The following ATP6V1C2 variants were observed in gnomAD, a reference collection of about 807,000 sequenced individuals.
ATP6V1C2 encodes the protein ATPase H+ transporting V1 subunit C2.
A neutral mutation model predicts 56.8 loss-of-function variants in ATP6V1C2; 45 were observed. The ratio of observed to expected loss-of-function variants is 0.79; its 90% confidence interval spans 0.62 to 1.02. The LOEUF (loss-of-function observed/expected upper bound fraction) is 1.02. Among genes scored for constraint, ATP6V1C2 ranks in the 50% least tolerant of loss-of-function variants. ATP6V1C2 has a pLI of 0.00. For synonymous variants in ATP6V1C2, 220 were observed against 201.3 expected, an observed-to-expected ratio of 1.09 and a Z score of -0.79; for missense variants, 463 against 519.7, an observed-to-expected ratio of 0.89 and a Z score of 1.06.
intron 3 of ATP6V1C2, among the ~76,000 whole-genome samples, chr2:10,747,311 A>G (rs1259370038): frequency 6.6e-6 from 1 of 152,164 alleles, no homozygotes; most frequent in Non-Finnish European, 1.5e-5. Flanking sequence ...CATACTTTTC[A>G]TATACTTTTA....
intron 7 of ATP6V1C2, 93 bp from the exon 8 acceptor site, chr2:10,772,449 C>T (rs1001259194): frequency 9.2e-7 from 1 of 1,090,170 alleles, no homozygotes; most frequent in Admixed American, 1.7e-5. Flanking sequence ...ACCTTCAGGC[C>T]TTCAGGAAAA....
chr2:10,770,824 T>G (rs962454132), intron 6 of ATP6V1C2, among the ~76,000 whole-genome samples: 2 of 152,250 alleles, frequency 1.3e-5, no homozygotes, highest in African/African-American at 4.8e-5. Flanking sequence ...AAACCAAGTA[T>G]GCACTGTGCC....
chr2:10,752,294 ATCAGGGTG>A (rs1376576341), intron 3 of ATP6V1C2, among the ~76,000 whole-genome samples: 3 of 152,154 alleles, frequency 2.0e-5, no homozygotes, highest in Non-Finnish European at 4.4e-5. Flanking sequence ...CTTTGCTTTT[ATCAGGGTG>A]TCCCGTGTCC....
At chr2:10,774,481 C>G (rs548518004) in intron 8 of ATP6V1C2, among the ~76,000 whole-genome samples, 31 of 152,344 alleles carry the variant, frequency 2.0e-4, no homozygotes, top group Non-Finnish European at 3.5e-4. Flanking sequence ...CCTGTGCCAG[C>G]TGTGGTGACG....
chr2:10,726,290 A>G (rs1448892074), intron 2 of ATP6V1C2, among the ~76,000 whole-genome samples: 1 of 152,224 alleles, frequency 6.6e-6, no homozygotes, highest in Non-Finnish European at 1.5e-5. Flanking sequence ...TGGCAGGCAT[A>G]TGACAGTTTA....
At position 10,740,448 on chromosome 2, in the gene ATP6V1C2, T is replaced by A. The variant is rs183324463; in HGVS notation, c.198-13533T>A. On this transcript the variant is annotated intron_variant, in intron 3 of 13. Transcript: ENST00000272238. ...GGGAAGCCCTTCACTTTGTATGTGC[T>A]GGAACTCTGCTCCGAGAGCATGAAG... Among the ~76,000 whole-genome samples the A allele has an allele frequency of 2.6e-4, 39 of 152,300 alleles. 1 individual carries two copies. The East Asian group carries it at 6.8e-3, about 26-fold the overall frequency.
rs919578887 is a variant in ATP6V1C2, at chr2:10,752,885, A to G, written c.198-1096A>G. On this transcript the variant is annotated intron_variant, in intron 3 of 13. Transcript: ENST00000272238. ...GTGGTGGGCCTCTGTAATCCCCGCT[A>G]CTTGGGAGGCTGAGGAGGGAGAATC... Among the ~76,000 whole-genome samples the G allele has an allele frequency of 2.6e-5, 4 of 152,138 alleles. No individual in the cohort carries two copies. The South Asian group carries it at 8.3e-4, about 32-fold the overall frequency.
Position 10,782,346 on chromosome 2 carries a change from G to A in ATP6V1C2, c.1165G>A (p.Asp389Asn), listed in dbSNP as rs897449757. 1.2e-6 allele frequency: 2 copies of A among 1,614,076 alleles called. No individual in the cohort carries two copies. The highest frequency in any genetic ancestry group is 2.7e-5 in the African/African-American group (2 of 74,918). The part of the protein sequence containing the change: ...EVLNSVFRHL[D>N]EVAATSILDA... Reference sequence around the variant, plus strand: ...TCTAAACTCTGTCTTCCGACATCTGGATGAAGTAGCCGCTACAAGTATACT... The same window carrying A: ...TCTAAACTCTGTCTTCCGACATCTGAATGAAGTAGCCGCTACAAGTATACT... Residue 389 changes from aspartate to asparagine, a missense_variant, in exon 13 of 14, where the codon GAT becomes AAT. Asp to Asn is a conservative substitution (Grantham distance 23, BLOSUM62 1). Transcript: ENST00000272238.
intron 8 of ATP6V1C2, 115 bp downstream of exon 8, chr2:10,772,725 T>G: frequency 2.2e-6 from 2 of 900,398 alleles, no homozygotes; most frequent in Non-Finnish European, 3.7e-6. Flanking sequence ...TTTCCACACC[T>G]GGGCCCTCTC....
At chr2:10,768,907 C>G (rs1259990625) in intron 6 of ATP6V1C2, 97 bp downstream of exon 6, 3 of 960,346 alleles carry the variant, frequency 3.1e-6, no homozygotes, top group East Asian at 2.5e-5. Flanking sequence ...GAGTCTGTGC[C>G]CATGCATGAG....
At chr2:10,782,141 T>C in intron 12 of ATP6V1C2, 102 bp from the exon 13 acceptor site, 1 of 1,388,574 alleles carries the variant, frequency 7.2e-7, no homozygotes, top group Non-Finnish European at 9.9e-7. Flanking sequence ...GCTGTGTTGG[T>C]TGAAGCTTTT....
Position 10,771,923 on chromosome 2 carries a change from G to A in ATP6V1C2, c.555G>A (p.Leu185=). Residue 185 remains leucine, a synonymous_variant, in exon 7 of 14, where the codon CTG becomes CTA. Transcript: ENST00000272238. ...VLDSEYLVTL[L]VIVPKPNYSQ... The stretch of plus-strand genomic sequence containing the variant: ...ATTCTGAATATCTCGTCACACTTCT[G>A]GTCATCGTCCCCAAGTGAGTGCTGG... 6.2e-7 allele frequency: 1 copy of A among 1,614,006 alleles called. No individual in the cohort carries two copies. Among genetic ancestry groups the A allele is most frequent in the Non-Finnish European group, 8.5e-7 (1 of 1,179,912 alleles).
At chr2:10,729,247 C>T (rs1202664768) in intron 3 of ATP6V1C2, among the ~76,000 whole-genome samples, 14 of 151,570 alleles carry the variant, frequency 9.2e-5, no homozygotes. Context: ...TCACTACAGC[C>T]TCTGCCTCCC....
chr2:10,752,629 A>G (rs1234635771), intron 3 of ATP6V1C2, among the ~76,000 whole-genome samples: 1 of 152,218 alleles, frequency 6.6e-6, no homozygotes. Flanking sequence ...CAATATTCAT[A>G]ATAATCCTGT....
In ATP6V1C2 at chr2:10,784,811, G is replaced by A. The variant is rs1665626027; in HGVS notation, c.*1548G>A. 3 of 669,518 alleles carry A rather than the reference G, an allele frequency of 4.5e-6. No individual in the cohort carries two copies. The South Asian group carries it at 5.6e-5, about 13-fold the overall frequency. 41.5% of individuals were successfully genotyped at this position (669,518 alleles called of 1,614,324 possible). On this transcript the variant is annotated 3_prime_UTR_variant, in exon 14 of 14. Transcript: ENST00000272238. The stretch of plus-strand genomic sequence containing the variant: ...GTCTTCAGAGAAGAACCTCTTAAAA[G>A]GCCCACGGGTGCACCAGGGCTGAGG...
intron 3 of ATP6V1C2, among the ~76,000 whole-genome samples, chr2:10,743,981 C>CA (rs61311440): frequency 2.2e-5 from 2 of 90,666 alleles, no homozygotes; most frequent in Admixed American, 9.3e-5. Context: ...GATTCAGTCT[C>CA]AAAAAAAAAA....
intron 3 of ATP6V1C2, among the ~76,000 whole-genome samples, chr2:10,749,836 G>A (rs1006865221): frequency 3.9e-5 from 6 of 151,960 alleles, no homozygotes; most frequent in Non-Finnish European, 7.4e-5. Context: ...TTATTGTGAC[G>A]CCATATCAAA....
At chr2:10,767,679 A>C (rs1461716332) in intron 5 of ATP6V1C2, among the ~76,000 whole-genome samples, 1 of 152,134 alleles carries the variant, frequency 6.6e-6, no homozygotes, top group East Asian at 1.9e-4. Flanking sequence ...GCTGGTCTCA[A>C]ACTCCTGACC....
intron 3 of ATP6V1C2, among the ~76,000 whole-genome samples, chr2:10,741,661 G>C (rs968382183): frequency 6.6e-6 from 1 of 152,302 alleles, no homozygotes; most frequent in South Asian, 2.1e-4. Context: ...GTCAGGACCA[G>C]CTGACATGTG....
Sources: gnomAD v4.1 joint callset for allele counts (sites outside exome capture counted in the v4.1 genomes callset) on GRCh38, gnomAD v4.1.1 for gene constraint, MANE v1.5 for transcripts, NCBI Gene and HGNC (gene_info 2026-07-23, HGNC 2026-07-21) for gene names.